The following POU2F1 variants were observed in gnomAD, a reference collection of about 807,000 sequenced individuals.
POU2F1 encodes POU class 2 homeobox 1.
In POU2F1, 16 loss-of-function variants were observed where a neutral mutation model predicts 84.9. The observed-to-expected ratio is 0.19, with a 90% CI of 0.13 to 0.29. POU2F1 has a LOEUF of 0.29. Among genes scored for constraint, POU2F1 ranks in the 10% least tolerant of loss-of-function variants. The pLI is 1.00. For missense variants in POU2F1, 738 were observed against 942.6 expected (o/e 0.78, Z 2.84); for synonymous variants, 368 against 368.3 (o/e 1.00, Z 0.01).
intron 4 of POU2F1, 90 bp from the exon 5 acceptor site, chr1:167,371,827 T>C: frequency 6.5e-7 from 1 of 1,548,604 alleles, no homozygotes; most frequent in Non-Finnish European, 8.9e-7. Flanking sequence ...TAAGCTCATG[T>C]TTTAAATGAT....
chr1:167,335,316 G>T (rs1657371395), intron 2 of POU2F1, among the ~76,000 whole-genome samples: 1 of 152,108 alleles, frequency 6.6e-6, no homozygotes. Context: ...TCAAGAGGAG[G>T]TACAGAAAAG....
intron 7 of POU2F1, among the ~76,000 whole-genome samples, chr1:167,377,797 T>TGAAA (rs888246641): frequency 6.6e-6 from 1 of 152,166 alleles, no homozygotes; most frequent in African/African-American, 2.4e-5. Flanking sequence ...GATAGGTAGT[T>TGAAA]TTTTCGATTC....
intron 1 of POU2F1, among the ~76,000 whole-genome samples, chr1:167,248,099 G>A (rs1341109023): frequency 1.3e-5 from 2 of 152,204 alleles, no homozygotes; most frequent in Non-Finnish European, 2.9e-5. Context: ...GGAAAGAATT[G>A]TGTGAGTAAT....
At chr1:167,288,434 T>G (rs1350596381) in intron 1 of POU2F1, among the ~76,000 whole-genome samples, 9 of 152,128 alleles carry the variant, frequency 5.9e-5, no homozygotes, top group African/African-American at 1.9e-4. Context: ...TGACTTGGAG[T>G]GGCTAGGTTT....
chr1:167,263,742 C>G (rs2102443509), intron 1 of POU2F1, among the ~76,000 whole-genome samples: 1 of 152,342 alleles, frequency 6.6e-6, no homozygotes, highest in South Asian at 2.1e-4. Context: ...ATCTCTCCTA[C>G]TACTCTACTC....
intron 1 of POU2F1, among the ~76,000 whole-genome samples, chr1:167,254,670 G>A (rs906206848): frequency 5.9e-5 from 9 of 152,178 alleles, no homozygotes; most frequent in African/African-American, 2.2e-4. Context: ...GGCTTTAGCA[G>A]TTGAACTTAC....
At chr1:167,260,100 G>A (rs893373069) in intron 1 of POU2F1, among the ~76,000 whole-genome samples, 2 of 152,182 alleles carry the variant, frequency 1.3e-5, no homozygotes, top group Middle Eastern at 3.4e-3. Context: ...GGATGGTCTC[G>A]ATCTCCTGAC....
chr1:167,297,350 G>A (rs1037529975), intron 1 of POU2F1, among the ~76,000 whole-genome samples: 1 of 152,220 alleles, frequency 6.6e-6, no homozygotes, highest in African/African-American at 2.4e-5. Flanking sequence ...ATCTGATTGA[G>A]AAACCAGAAG....
chr1:167,409,523 C>T (rs1649813349), intron 13 of POU2F1, among the ~76,000 whole-genome samples: 1 of 152,282 alleles, frequency 6.6e-6, no homozygotes, highest in East Asian at 1.9e-4. Context: ...AAACATGACT[C>T]ACTGACTGGG....
intron 1 of POU2F1, among the ~76,000 whole-genome samples, chr1:167,226,181 T>TA (rs1648619728): frequency 1.3e-5 from 2 of 152,224 alleles, no homozygotes; most frequent in Admixed American, 1.3e-4. Context: ...TCTTGGGCGT[T>TA]AGAGTTGAAA....
At chr1:167,276,332 A>G (rs1420357733) in intron 1 of POU2F1, among the ~76,000 whole-genome samples, 2 of 152,130 alleles carry the variant, frequency 1.3e-5, no homozygotes, top group African/African-American at 4.8e-5. Flanking sequence ...CACTTATTTT[A>G]CTTATAGTGG....
At chr1:167,337,536 T>G (rs1222364148) in intron 2 of POU2F1, among the ~76,000 whole-genome samples, 1 of 151,978 alleles carries the variant, frequency 6.6e-6, no homozygotes, top group Non-Finnish European at 1.5e-5. Context: ...TTTAAAAATG[T>G]CAGGATAACG....
At chr1:167,301,431 A>T (rs1654695298) in intron 1 of POU2F1, among the ~76,000 whole-genome samples, 1 of 152,250 alleles carries the variant, frequency 6.6e-6, no homozygotes, top group South Asian at 2.1e-4. Context: ...CTTAACTGAG[A>T]TAACATAATT....
intron 1 of POU2F1, among the ~76,000 whole-genome samples, chr1:167,221,179 CT>C (rs937833791): frequency 6.6e-6 from 1 of 151,360 alleles, no homozygotes; most frequent in Non-Finnish European, 1.5e-5. Flanking sequence ...GCAAAGGGGG[CT>C]GCGATCCACT....
At chr1:167,359,324 G>T (rs764350482) in intron 2 of POU2F1, among the ~76,000 whole-genome samples, 12 of 152,146 alleles carry the variant, frequency 7.9e-5, no homozygotes, top group Non-Finnish European at 1.2e-4. Context: ...AGTACCGTAG[G>T]TAGTTTTTCA....
At chr1:167,375,888 A>G (rs2101857935) in intron 6 of POU2F1, 141 bp from the exon 7 acceptor site, 1 of 1,036,442 alleles carries the variant, frequency 9.6e-7, no homozygotes, top group Non-Finnish European at 1.4e-6. Flanking sequence ...CACAGAGCAT[A>G]CCCTGTTTGG....
intron 1 of POU2F1, among the ~76,000 whole-genome samples, chr1:167,248,804 C>G (rs1326977805): frequency 6.6e-5 from 10 of 152,104 alleles, no homozygotes; most frequent in Admixed American, 5.9e-4. Flanking sequence ...AATTGCTATT[C>G]CAAGTGCTTT....
chr1:167,315,665 G>A (rs1655837861), intron 1 of POU2F1, among the ~76,000 whole-genome samples: 1 of 151,928 alleles, frequency 6.6e-6, no homozygotes, highest in Non-Finnish European at 1.5e-5. Context: ...AATTAGCCAG[G>A]TGTGGTGACA....
intron 1 of POU2F1, among the ~76,000 whole-genome samples, chr1:167,301,370 C>T (rs111394738): frequency 6.6e-6 from 1 of 152,140 alleles, no homozygotes; most frequent in Non-Finnish European, 1.5e-5. Flanking sequence ...AAATACCTTG[C>T]GTTATTTTGT....
Sources: gnomAD v4.1 joint callset for allele counts (sites outside exome capture counted in the v4.1 genomes callset) on GRCh38, gnomAD v4.1.1 for gene constraint, MANE v1.5 for transcripts, NCBI Gene and HGNC (gene_info 2026-07-23, HGNC 2026-07-21) for gene names.